NRXN3: variants seen among roughly 807,000 people sequenced by gnomAD.
NRXN3 encodes the protein neurexin 3, also known as neurexin III.
NRXN3 carries 32 observed loss-of-function variants against 137.6 expected under a neutral mutation model. The ratio of observed to expected loss-of-function variants is 0.23; its 90% CI spans 0.18 to 0.31. The LOEUF is 0.31. NRXN3 is among the 10% of genes least tolerant of loss of function. The pLI is 1.00. For synonymous variants in NRXN3, 798 were observed against 784.5 expected, an observed-to-expected ratio of 1.02 and a Z score of -0.29; for missense variants, 1,574 against 2,062.5, an observed-to-expected ratio of 0.76 and a Z score of 4.59.
At chr14:79,588,571 G>A (rs1304779932) in intron 16 of NRXN3, among the ~76,000 whole-genome samples, 4 of 152,196 alleles carry the variant, frequency 2.6e-5, no homozygotes, top group Non-Finnish European at 5.9e-5. Context: ...TTGAGGCTCT[G>A]TGGGACTTAC....
intron 10 of NRXN3, among the ~76,000 whole-genome samples, chr14:78,951,459 G>T (rs2099386926): frequency 1.3e-5 from 2 of 152,124 alleles, no homozygotes; most frequent in Admixed American, 1.3e-4. Flanking sequence ...CAGGACAAGA[G>T]TAGAGAAGTC....
At chr14:79,663,722 A>G in intron 16 of NRXN3, 56 bp from the exon 17 acceptor site, 2 of 1,519,216 alleles carry the variant, frequency 1.3e-6, no homozygotes, top group Non-Finnish European at 1.8e-6. Flanking sequence ...TCAAGTTTAA[A>G]GGGAGAGAAC....
At chr14:79,408,511 G>A (rs2153508061) in intron 15 of NRXN3, among the ~76,000 whole-genome samples, 1 of 152,130 alleles carries the variant, frequency 6.6e-6, no homozygotes, top group Non-Finnish European at 1.5e-5. Flanking sequence ...GAAAAGGGAG[G>A]TAATGTTTAC....
intron 1 of NRXN3, among the ~76,000 whole-genome samples, chr14:78,171,848 G>C (rs927693966): frequency 6.6e-6 from 1 of 152,004 alleles, no homozygotes; most frequent in Non-Finnish European, 1.5e-5. Context: ...ACCATTATTG[G>C]GGTTTAGGTA....
At chr14:79,436,176 G>A (rs1295408912) in intron 15 of NRXN3, among the ~76,000 whole-genome samples, 4 of 151,958 alleles carry the variant, frequency 2.6e-5, no homozygotes, top group Non-Finnish European at 5.9e-5. Context: ...AGGAATAAAG[G>A]GCCTTTATAA....
rs186842204 is a variant in NRXN3 at position 79,344,480 on chromosome 14, G to A, written c.3263-122741G>A. ...CAAACACTATTAAATTCCCTTAATC[G>A]ATTAAAGATACTGCCAAAATGGTTT... On this transcript the variant is annotated intron_variant, in intron 15 of 20. Coordinates refer to ENST00000335750, the MANE Select transcript of NRXN3 (RefSeq NM_001330195.2). Among the ~76,000 whole-genome samples, 349 of 152,276 alleles carry A rather than the reference G, an allele frequency of 2.3e-3. 3 individuals are homozygous for A. The highest frequency in any genetic ancestry group is 4.2e-3 in the Non-Finnish European group (286 of 68,032).
chr14:78,731,536 C>A (rs909683267), intron 8 of NRXN3, among the ~76,000 whole-genome samples: 1 of 151,192 alleles, frequency 6.6e-6, no homozygotes, highest in Non-Finnish European at 1.5e-5. Context: ...CATAACTGTA[C>A]CAAGCAGAAA....
intron 15 of NRXN3, among the ~76,000 whole-genome samples, chr14:79,252,216 G>A (rs886367503): frequency 6.6e-5 from 10 of 152,160 alleles, no homozygotes; most frequent in African/African-American, 2.4e-4. Context: ...TGAATGTCAA[G>A]GTGATTGGCA....
intron 1 of NRXN3, among the ~76,000 whole-genome samples, chr14:78,179,660 CT>C (rs2059600866): frequency 6.6e-6 from 1 of 152,124 alleles, no homozygotes; most frequent in South Asian, 2.1e-4. Context: ...TTTCCTACTT[CT>C]TGGGTGCCAG....
intron 10 of NRXN3, among the ~76,000 whole-genome samples, chr14:78,883,637 A>G (rs2099135427): frequency 6.6e-6 from 1 of 152,230 alleles, no homozygotes; most frequent in South Asian, 2.1e-4. Flanking sequence ...GATGAGGCTC[A>G]GCTCAGAGAC....
intron 4 of NRXN3, among the ~76,000 whole-genome samples, chr14:78,579,286 A>T (rs1397521356): frequency 2.0e-5 from 3 of 152,196 alleles, no homozygotes; most frequent in African/African-American, 7.2e-5. Context: ...CAAAGTGCTC[A>T]GTTAGAGCCA....
intron 10 of NRXN3, among the ~76,000 whole-genome samples, chr14:78,913,274 C>CTTTCTTTTTTTTT (rs1225280841): frequency 6.3e-5 from 3 of 47,850 alleles, no homozygotes; most frequent in African/African-American, 1.0e-4. Context: ...TTCTTTCTTT[C>CTTTCTTTTTTTTT]TTTTTTTTTT....
intron 4 of NRXN3, among the ~76,000 whole-genome samples, chr14:78,493,039 T>A (rs1320600026): frequency 6.6e-6 from 1 of 152,170 alleles, no homozygotes; most frequent in Non-Finnish European, 1.5e-5. Flanking sequence ...TTTAGAGGAA[T>A]GTACCCTTTC....
intron 4 of NRXN3, among the ~76,000 whole-genome samples, chr14:78,415,224 G>A (rs1177552329): frequency 6.6e-6 from 1 of 152,140 alleles, no homozygotes; most frequent in Non-Finnish European, 1.5e-5. Flanking sequence ...CTGTCATATG[G>A]ATGAGATGAC....
At chr14:79,495,574 GA>G (rs2096758337) in intron 16 of NRXN3, among the ~76,000 whole-genome samples, 2 of 152,010 alleles carry the variant, frequency 1.3e-5, no homozygotes, top group South Asian at 4.1e-4. Flanking sequence ...AACATTTATT[GA>G]GCGCTTATTA....
At chr14:79,189,101 G>T (rs1249202778) in intron 15 of NRXN3, among the ~76,000 whole-genome samples, 1 of 151,566 alleles carries the variant, frequency 6.6e-6, no homozygotes, top group Non-Finnish European at 1.5e-5. Context: ...TGTTTATTGC[G>T]GCACTATTCA....
chr14:79,268,346 C>T (rs915112030), intron 15 of NRXN3, among the ~76,000 whole-genome samples: 5 of 152,140 alleles, frequency 3.3e-5, no homozygotes, highest in East Asian at 1.9e-4. Context: ...ATAATATTTC[C>T]GTATCTGTTT....
At chr14:78,606,625 C>G (rs1481905470) in intron 4 of NRXN3, among the ~76,000 whole-genome samples, 1 of 152,294 alleles carries the variant, frequency 6.6e-6, no homozygotes, top group East Asian at 1.9e-4. Flanking sequence ...GAACCTAACA[C>G]AGTGTCCTAG....
At chr14:79,202,008 C>G (rs1178286655) in intron 15 of NRXN3, among the ~76,000 whole-genome samples, 1 of 151,962 alleles carries the variant, frequency 6.6e-6, no homozygotes, top group Non-Finnish European at 1.5e-5. Flanking sequence ...TATGCTTAAC[C>G]ATTACTGCAC....
Sources: allele counts gnomAD v4.1 joint callset (sites outside exome capture counted in the v4.1 genomes callset), GRCh38; gene constraint gnomAD v4.1.1; transcripts MANE v1.5; gene names NCBI Gene and HGNC (gene_info 2026-07-23, HGNC 2026-07-21).